Variants in GOLIM4 observed in about 807,000 individuals in gnomAD.
GOLIM4 encodes golgi integral membrane protein 4, also known as 130 kDa golgi-localized phosphoprotein.
Under a neutral mutation model 107.4 loss-of-function variants are expected in GOLIM4, and 71 were observed. The ratio of observed to expected loss-of-function variants is 0.66; its 90% CI spans 0.55 to 0.81. GOLIM4 has a LOEUF of 0.81. Among genes scored for constraint, GOLIM4 ranks in the 30% least tolerant of loss-of-function variants. GOLIM4 has a pLI of 0.00. For missense variants in GOLIM4, 830 were observed against 826.1 expected (o/e 1.00, Z -0.06); for synonymous variants, 327 against 294.8 (o/e 1.11, Z -1.12).
rs1716866500 is a variant in GOLIM4 at position 168,009,442 on chromosome 3, A to AAAAAAAAAAAAAAAAAAAAAAAG, written c.*826_*827insCTTTTTTTTTTTTTTTTTTTTTT. 6.7e-6 allele frequency: 1 copy of AAAAAAAAAAAAAAAAAAAAAAAG among 149,442 alleles called. No homozygotes were observed. 9.3% of individuals were successfully genotyped at this position (149,442 alleles called of 1,614,324 possible). A position where few individuals can be genotyped will look rare whatever the true frequency, so the allele number is the denominator to read the frequency against. On this transcript the variant is annotated 3_prime_UTR_variant, in exon 16 of 16. Coordinates refer to ENST00000470487, the MANE Select transcript of GOLIM4 (RefSeq NM_014498.5). Reference sequence around the variant, plus strand: ...CAATGGCTTCAAACAAAAAAAAAAAAAAAAAATTGAGAATGGGTGCTCGCA... The same window carrying AAAAAAAAAAAAAAAAAAAAAAAG: ...CAATGGCTTCAAACAAAAAAAAAAAAAAAAAAAAAAAAAAAAAAAAAAGAAAAAATTGAGAATGGGTGCTCGCA...
rs1033702769 is a variant in GOLIM4, at chr3:168,072,561, T to A, written c.187+22538A>T. Among the ~76,000 whole-genome samples the A allele has an allele frequency of 5.9e-5, 9 of 151,698 alleles. No homozygotes were observed. In the Middle Eastern group the frequency reaches 0.01, roughly 172 times the overall value. On this transcript the variant is annotated intron_variant, in intron 1 of 15. Transcript: ENST00000470487. The stretch of plus-strand genomic sequence containing the variant: ...CTGTTAAGAAAAGTTGTTAAAAGCA[T>A]AGGGGAATATCAGACAGATGTAAAA...
At chr3:168,089,887 C>T (rs1295828637) in intron 1 of GOLIM4, among the ~76,000 whole-genome samples, 7 of 151,776 alleles carry the variant, frequency 4.6e-5, no homozygotes, top group Admixed American at 1.3e-4. Context: ...CATGCCTCAG[C>T]CTCCTGAGTA....
At chr3:168,041,332 G>A (rs976817473) in intron 6 of GOLIM4, 60 bp downstream of exon 6, 5 of 982,434 alleles carry the variant, frequency 5.1e-6, no homozygotes, top group Non-Finnish European at 8.1e-6. Context: ...ACTTTTTAAA[G>A]TCATTCTACC....
At chr3:168,094,375 A>C (rs756204580) in intron 1 of GOLIM4, among the ~76,000 whole-genome samples, 1 of 152,246 alleles carries the variant, frequency 6.6e-6, no homozygotes, top group Non-Finnish European at 1.5e-5. Context: ...AGCTAACTGT[A>C]ACATACATGC....
intron 1 of GOLIM4, among the ~76,000 whole-genome samples, chr3:168,054,602 CTTA>C (rs1380641824): frequency 1.3e-5 from 2 of 151,826 alleles, no homozygotes; most frequent in Admixed American, 6.6e-5. Flanking sequence ...TTTGTTTTTA[CTTA>C]TTAATTAAAC....
chr3:168,039,271 T>G (rs141167919), intron 7 of GOLIM4, among the ~76,000 whole-genome samples: 3,491 of 150,496 alleles, frequency 0.023, 132 homozygotes, highest in African/African-American at 0.081. Flanking sequence ...AAAATTTTTT[T>G]TTTTTTTTTG....
chr3:168,083,855 TTGTGCTGAATTCAGCA>T (rs1466471175), intron 1 of GOLIM4, among the ~76,000 whole-genome samples: 1 of 152,212 alleles, frequency 6.6e-6, no homozygotes, highest in Non-Finnish European at 1.5e-5. Context: ...AGCCCTTCCC[TTGTGCTGAATTCAGCA>T]TGTGCTGAAT....
intron 1 of GOLIM4, among the ~76,000 whole-genome samples, chr3:168,092,118 C>G (rs182712399): frequency 1.3e-5 from 2 of 152,232 alleles, no homozygotes; most frequent in Admixed American, 6.5e-5. Flanking sequence ...AGAAACACTG[C>G]CTATAGATAC....
At chr3:168,019,211 T>A (rs527273462) in intron 14 of GOLIM4, among the ~76,000 whole-genome samples, 21 of 152,304 alleles carry the variant, frequency 1.4e-4, no homozygotes, top group African/African-American at 5.1e-4. Context: ...TTTAAGCACA[T>A]GCAAACGAAG....
intron 1 of GOLIM4, among the ~76,000 whole-genome samples, chr3:168,050,822 T>TATAATAATAACA (rs1719589285): frequency 7.3e-6 from 1 of 136,320 alleles, no homozygotes; most frequent in African/African-American, 2.8e-5. Flanking sequence ...TAGCAACACC[T>TATAATAATAACA]ATAATAATAA....
At chr3:168,094,557 C>G (rs1388066531) in intron 1 of GOLIM4, among the ~76,000 whole-genome samples, 1 of 152,192 alleles carries the variant, frequency 6.6e-6, no homozygotes, top group East Asian at 1.9e-4. Flanking sequence ...CTAGCAGGTC[C>G]AGATCTAGGT....
At chr3:168,018,871 A>G (rs1264594307) in intron 14 of GOLIM4, among the ~76,000 whole-genome samples, 1 of 152,198 alleles carries the variant, frequency 6.6e-6, no homozygotes, top group Non-Finnish European at 1.5e-5. Context: ...GGCAGGAAGA[A>G]TATCTAAATC....
chr3:168,021,752 A>G (rs1717701418), intron 14 of GOLIM4, among the ~76,000 whole-genome samples: 1 of 152,182 alleles, frequency 6.6e-6, no homozygotes. Context: ...GTGTACGTAC[A>G]TATTTGGCCA....
chr3:168,063,715 A>C, intron 1 of GOLIM4, among the ~76,000 whole-genome samples: 1 of 78,698 alleles, frequency 1.3e-5, no homozygotes, highest in Admixed American at 1.8e-4. Flanking sequence ...AAGAAAGGGC[A>C]GGGGAGTGGG....
chr3:168,047,983 G>C (rs1719408008), intron 2 of GOLIM4, among the ~76,000 whole-genome samples: 1 of 151,082 alleles, frequency 6.6e-6, no homozygotes, highest in Admixed American at 6.6e-5. Context: ...GAAGTTCCAG[G>C]TGTAAGTAAT....
At chr3:168,020,720 A>G (rs1717630820) in intron 14 of GOLIM4, among the ~76,000 whole-genome samples, 2 of 152,224 alleles carry the variant, frequency 1.3e-5, no homozygotes, top group South Asian at 4.1e-4. Flanking sequence ...TTTTCCACAC[A>G]TATAGAGAAC....
chr3:168,070,558 C>T (rs1720784532), intron 1 of GOLIM4, among the ~76,000 whole-genome samples: 1 of 152,190 alleles, frequency 6.6e-6, no homozygotes, highest in Non-Finnish European at 1.5e-5. Flanking sequence ...TCTGGTGAAA[C>T]ACAGACTCAA....
intron 1 of GOLIM4, among the ~76,000 whole-genome samples, chr3:168,061,257 A>G (rs1720258322): frequency 6.6e-6 from 1 of 152,222 alleles, no homozygotes; most frequent in East Asian, 1.9e-4. Context: ...AATGCAAATT[A>G]TAATCATAGT....
intron 1 of GOLIM4, among the ~76,000 whole-genome samples, chr3:168,073,760 C>T (rs1212448839): frequency 2.6e-5 from 4 of 152,198 alleles, no homozygotes; most frequent in Non-Finnish European, 5.9e-5. Flanking sequence ...AGAGGTATAA[C>T]TTCTATAGAT....
Sources: allele counts gnomAD v4.1 joint callset (sites outside exome capture counted in the v4.1 genomes callset), GRCh38; gene constraint gnomAD v4.1.1; transcripts MANE v1.5; gene names NCBI Gene and HGNC (gene_info 2026-07-23, HGNC 2026-07-21).